The following BMPR1B variants were observed in gnomAD, a reference collection of about 807,000 sequenced individuals.
BMPR1B encodes the protein bone morphogenetic protein receptor type 1B.
A neutral mutation model predicts 59.1 loss-of-function variants in BMPR1B; 12 were observed. That is an observed-to-expected ratio of 0.20 (90% CI 0.13 to 0.33). BMPR1B has a LOEUF of 0.33. Ranked by LOEUF, BMPR1B falls within the 10% of genes least tolerant of loss-of-function variation. The probability of loss-of-function intolerance (pLI) is 1.00; values close to 1 mark genes in which losing one functional copy is unlikely to be tolerated. For synonymous variants in BMPR1B, 237 were observed against 207.3 expected (o/e 1.14, Z -1.23); for missense variants, 550 against 610.9 (o/e 0.90, Z 1.05).
rs147329558 is a variant in BMPR1B at position 95,026,021 on chromosome 4, C to T, written c.-18+29887C>T. 3.3e-3 allele frequency among the ~76,000 whole-genome samples: 499 copies of T among 152,274 alleles called. 3 individuals are homozygous for T. Among genetic ancestry groups the T allele is most frequent in the African/African-American group, 0.011 (473 of 41,558 alleles). On this transcript the variant is annotated intron_variant, in intron 3 of 12. Transcript: ENST00000515059. The stretch of plus-strand genomic sequence containing the variant: ...GTACACCTGAGGGTACGTCAGGCCT[C>T]CTGTCTAATCAGTGTGTACAGTATA...
At chr4:95,034,281 A>G (rs1019003610) in intron 3 of BMPR1B, among the ~76,000 whole-genome samples, 3 of 151,904 alleles carry the variant, frequency 2.0e-5, no homozygotes, top group African/African-American at 7.3e-5. Context: ...GATACATGAG[A>G]TATTTATTAT....
chr4:94,822,455 A>C (rs1724242010), intron 1 of BMPR1B, among the ~76,000 whole-genome samples: 1 of 152,184 alleles, frequency 6.6e-6, no homozygotes, highest in Non-Finnish European at 1.5e-5. Context: ...TGGGTAAATT[A>C]ATAAATTGAA....
At chr4:95,078,294 A>G (rs1728862483) in intron 3 of BMPR1B, among the ~76,000 whole-genome samples, 1 of 152,204 alleles carries the variant, frequency 6.6e-6, no homozygotes, top group African/African-American at 2.4e-5. Context: ...ACTGGTATAT[A>G]TTTTTAAATT....
intron 3 of BMPR1B, among the ~76,000 whole-genome samples, chr4:95,022,767 A>C (rs1724085950): frequency 6.6e-6 from 1 of 152,182 alleles, no homozygotes; most frequent in Admixed American, 6.5e-5. Flanking sequence ...TTTTTAAATG[A>C]GACATTATAA....
At position 95,155,228 on chromosome 4, in the gene BMPR1B, G is replaced by T. The variant is rs1400437920; in HGVS notation, c.*555G>T. 1 of 155,440 alleles carries T rather than the reference G, an allele frequency of 6.4e-6. No individual in the cohort carries two copies. The highest frequency in any genetic ancestry group is 1.4e-5 in the Non-Finnish European group (1 of 70,312). The allele number at this position is 155,440 out of a possible 1,614,324, so 9.6% of individuals were successfully genotyped here. On this transcript the variant is annotated 3_prime_UTR_variant, in exon 13 of 13. Coordinates refer to ENST00000515059, the MANE Select transcript of BMPR1B (RefSeq NM_001203.3). Reference sequence around the variant, plus strand: ...GTCTTGGCCTCCTCAGACCACTTTGGCCATCCCTGCATTTGGGGCCGCTAT... The same window carrying T: ...GTCTTGGCCTCCTCAGACCACTTTGTCCATCCCTGCATTTGGGGCCGCTAT...
rs542963276 is a variant in BMPR1B at position 95,104,333 on chromosome 4, T to A, written c.-17-75T>A. The A allele has an allele frequency of 2.4e-4, 354 of 1,483,876 alleles. 1 individual carries two copies. In the African/African-American group the frequency reaches 4.3e-3, roughly 18 times the overall value. The allele number at this position is 1,483,876 out of a possible 1,614,324, so 91.9% of individuals were successfully genotyped here. A position where few individuals can be genotyped will look rare whatever the true frequency, so the allele number is the denominator to read the frequency against. On this transcript the variant is annotated intron_variant, in intron 3 of 12. Coordinates refer to ENST00000515059, the MANE Select transcript of BMPR1B (RefSeq NM_001203.3). Reference sequence around the variant, plus strand: ...GAATACTTCATTTTAAAATGTAATCTCATGTTTTCGTTTGAACAGAAGACT... The same window carrying A: ...GAATACTTCATTTTAAAATGTAATCACATGTTTTCGTTTGAACAGAAGACT...
chr4:95,075,464 A>T (rs1560634481), intron 3 of BMPR1B, among the ~76,000 whole-genome samples: 1 of 152,204 alleles, frequency 6.6e-6, no homozygotes, highest in Non-Finnish European at 1.5e-5. Context: ...GTATGATGCT[A>T]ATGAAAGAAT....
At chr4:95,083,607 C>G (rs1164052188) in intron 3 of BMPR1B, among the ~76,000 whole-genome samples, 2 of 152,126 alleles carry the variant, frequency 1.3e-5, no homozygotes, top group Non-Finnish European at 2.9e-5. Flanking sequence ...TCAGATAACT[C>G]ATCTCCTCAG....
chr4:94,857,660 T>C (rs910205391), intron 1 of BMPR1B, among the ~76,000 whole-genome samples: 6 of 152,200 alleles, frequency 3.9e-5, no homozygotes, highest in Admixed American at 1.3e-4. Flanking sequence ...CTACCCAGAT[T>C]TATTATGACT....
At chr4:94,909,672 A>T (rs1392122762) in intron 2 of BMPR1B, among the ~76,000 whole-genome samples, 1 of 151,854 alleles carries the variant, frequency 6.6e-6, no homozygotes, top group Non-Finnish European at 1.5e-5. Context: ...CTGATTTTAC[A>T]TGTTATTTAG....
At chr4:94,840,179 C>G (rs1446988844) in intron 1 of BMPR1B, among the ~76,000 whole-genome samples, 1 of 147,990 alleles carries the variant, frequency 6.8e-6, no homozygotes, top group Non-Finnish European at 1.5e-5. Flanking sequence ...ACCTTTCTCT[C>G]TGGCTGCCCT....
At chr4:94,946,881 T>C (rs1416575381) in intron 2 of BMPR1B, among the ~76,000 whole-genome samples, 3 of 151,974 alleles carry the variant, frequency 2.0e-5, no homozygotes, top group Non-Finnish European at 2.9e-5. Flanking sequence ...TGAAACCCCA[T>C]CTCTACCAAA....
chr4:94,964,065 C>T (rs751010344), intron 2 of BMPR1B, among the ~76,000 whole-genome samples: 1 of 151,836 alleles, frequency 6.6e-6, no homozygotes. Context: ...TAAGTTTATT[C>T]CTTGGTATTT....
intron 2 of BMPR1B, among the ~76,000 whole-genome samples, chr4:94,933,482 G>GT (rs1385894786): frequency 2.0e-5 from 3 of 151,990 alleles, no homozygotes; most frequent in Non-Finnish European, 4.4e-5. Flanking sequence ...TTGAGTCTGG[G>GT]GGAAATGAGA....
chr4:94,989,493 A>G (rs2149096449), intron 2 of BMPR1B, among the ~76,000 whole-genome samples: 1 of 152,294 alleles, frequency 6.6e-6, no homozygotes, highest in Non-Finnish European at 1.5e-5. Context: ...TAACAGGATT[A>G]CAATTTCAGT....
Position 95,092,138 on chromosome 4 carries a change from A to C in BMPR1B, c.-17-12270A>C, listed in dbSNP as rs748605849. ...TTTAAAAAATGCAAAATGATTCTTTAAAGTATAAATGTAATGATTTAGATG... is the reference window on the plus strand; with the variant it reads ...TTTAAAAAATGCAAAATGATTCTTTCAAGTATAAATGTAATGATTTAGATG... On this transcript the variant is annotated intron_variant, in intron 3 of 12. Transcript: ENST00000515059. Among the ~76,000 whole-genome samples the C allele has an allele frequency of 4.6e-5, 7 of 152,156 alleles. No homozygotes were observed. The South Asian group carries it at 6.2e-4, about 13-fold the overall frequency.
intron 1 of BMPR1B, among the ~76,000 whole-genome samples, chr4:94,844,689 C>T (rs528174586): frequency 1.5e-4 from 23 of 152,220 alleles, no homozygotes; most frequent in East Asian, 7.7e-4. Context: ...CCCCGCTCCC[C>T]GCCCCAGATT....
intron 3 of BMPR1B, chr4:95,051,569 G>T: frequency 3.8e-6 from 3 of 785,586 alleles, no homozygotes; most frequent in Non-Finnish European, 4.1e-6. Flanking sequence ...TCACGGTCCT[G>T]TCTCAGGGTT....
intron 2 of BMPR1B, among the ~76,000 whole-genome samples, chr4:94,925,638 G>A (rs1728855460): frequency 2.6e-5 from 4 of 152,066 alleles, no homozygotes. Flanking sequence ...AAAATTCTAA[G>A]TCCATATAAA....
Sources: gnomAD v4.1 joint callset for allele counts (sites outside exome capture counted in the v4.1 genomes callset) on GRCh38, gnomAD v4.1.1 for gene constraint, MANE v1.5 for transcripts, NCBI Gene and HGNC (gene_info 2026-07-23, HGNC 2026-07-21) for gene names.